Variants in PLN observed in about 807,000 individuals in gnomAD.
PLN encodes phospholamban, also known as cardiac phospholamban.
A neutral mutation model predicts 3.9 loss-of-function variants in PLN; 1 was observed. The observed-to-expected ratio is 0.26, with a 90% confidence interval of 0.09 to 1.23. The LOEUF (loss-of-function observed/expected upper bound fraction) is 1.23. Among genes scored for constraint, PLN ranks in the 50% most tolerant of loss-of-function variants. The pLI is 0.48. For synonymous variants in PLN, 21 were observed against 20.5 expected (o/e 1.02, Z -0.07); for missense variants, 59 against 62.7 (o/e 0.94, Z 0.20).
chr6:118,558,467 A>G (rs1375307272), intron 1 of PLN, among the ~76,000 whole-genome samples: 1 of 152,138 alleles, frequency 6.6e-6, no homozygotes, highest in African/African-American at 2.4e-5. Flanking sequence ...GTTTCCAGGA[A>G]CTTATGGAAG....
At position 118,558,826 on chromosome 6, in the gene PLN, C is replaced by A; in HGVS notation, c.-96C>A. On this transcript the variant is annotated splice_region_variant and 5_prime_UTR_variant, in exon 2 of 2. Coordinates refer to ENST00000357525, the MANE Select transcript of PLN (RefSeq NM_002667.5). ...CCATTTATTATTTTTACATTCCAGG[C>A]TACCTAAAAGAAGACAGTTATCTCA... is the stretch of plus-strand genomic sequence containing the variant. The A allele has an allele frequency of 1.2e-6, 1 of 821,128 alleles. No homozygotes were observed. Among genetic ancestry groups the A allele is most frequent in the Non-Finnish European group, 2.1e-6 (1 of 470,380 alleles). The allele number at this position is 821,128 out of a possible 1,614,324, so 50.9% of individuals were successfully genotyped here. A position where few individuals can be genotyped will look rare whatever the true frequency, so the allele number is the denominator to read the frequency against.
At chr6:118,550,991 A>T (rs1778508669) in intron 1 of PLN, among the ~76,000 whole-genome samples, 1 of 151,520 alleles carries the variant, frequency 6.6e-6, no homozygotes, top group Non-Finnish European at 1.5e-5. Flanking sequence ...CACAGACTTT[A>T]AAAAAAATAA....
intron 1 of PLN, among the ~76,000 whole-genome samples, chr6:118,551,718 T>C (rs1319825987): frequency 2.0e-5 from 3 of 152,150 alleles, no homozygotes; most frequent in East Asian, 1.9e-4. Context: ...TTTTTATGCA[T>C]ATACAATTAT....
In PLN at chr6:118,558,925, G is replaced by C. The variant is rs758364608; in HGVS notation, c.4G>C (p.Glu2Gln). 6.2e-7 allele frequency: 1 copy of C among 1,613,674 alleles called. No individual in the cohort carries two copies. Among genetic ancestry groups the C allele is most frequent in the Non-Finnish European group, 8.5e-7 (1 of 1,179,658 alleles). M[E>Q]KVQYLTRSAI... ...GACTTCCTGTCCTGCTGGTATCATG[G>C]AGAAAGTCCAATACCTCACTCGCTC... is the stretch of plus-strand genomic sequence containing the variant. The change falls in exon 2 of 2, where the codon GAG becomes CAG. Residue 2 changes from glutamate (E) to glutamine (Q), a missense_variant. Coordinates refer to ENST00000357525, the MANE Select transcript of PLN (RefSeq NM_002667.5).
intron 1 of PLN, among the ~76,000 whole-genome samples, chr6:118,552,638 C>A (rs540033853): frequency 2.0e-5 from 3 of 151,606 alleles, no homozygotes; most frequent in Admixed American, 6.6e-5. Context: ...AAAAAAAAAA[C>A]CAGAATACCA....
At chr6:118,550,621 C>T (rs58390287) in intron 1 of PLN, among the ~76,000 whole-genome samples, 7 of 151,802 alleles carry the variant, frequency 4.6e-5, no homozygotes, top group Admixed American at 6.6e-5. Flanking sequence ...GATCACAGAA[C>T]TAAGAAAACA....
intron 1 of PLN, among the ~76,000 whole-genome samples, chr6:118,549,268 T>C (rs1778393968): frequency 6.6e-6 from 1 of 151,842 alleles, no homozygotes; most frequent in South Asian, 2.1e-4. Flanking sequence ...CTCCATTTCC[T>C]CTCTCGGATT....
rs187694704 is a variant in PLN, at chr6:118,556,249, T to C, written c.-97-2576T>C. ...GTAGAAGTGTTATAGACAACCTAAA[T>C]AACAGCCTTTAGCCACCTGTTTAGA... is the stretch of plus-strand genomic sequence containing the variant. On this transcript the variant is annotated intron_variant, in intron 1 of 1. Coordinates refer to ENST00000357525, the MANE Select transcript of PLN (RefSeq NM_002667.5). Among the ~76,000 whole-genome samples the C allele has an allele frequency of 1.1e-4, 16 of 152,280 alleles. No homozygotes were observed. In the East Asian group the frequency reaches 2.9e-3, roughly 27 times the overall value.
intron 1 of PLN, among the ~76,000 whole-genome samples, chr6:118,557,190 T>C (rs1032541354): frequency 2.0e-5 from 3 of 152,206 alleles, no homozygotes; most frequent in Non-Finnish European, 2.9e-5. Context: ...ATATTTTTGG[T>C]AAAACACTTC....
In PLN at chr6:118,559,995, A is replaced by T. The variant is rs1779129400; in HGVS notation, c.*915A>T. ...CCTTAAGACTTCAGAATGATTTTGC[A>T]GGTTGTCTTCCATTCCAGCCTAACA... On this transcript the variant is annotated 3_prime_UTR_variant, in exon 2 of 2. Coordinates refer to ENST00000357525, the MANE Select transcript of PLN (RefSeq NM_002667.5). 6.0e-6 allele frequency: 1 copy of T among 167,116 alleles called. No individual in the cohort carries two copies. The highest frequency in any genetic ancestry group is 1.5e-5 in the Non-Finnish European group (1 of 68,112). 10.4% of individuals were successfully genotyped at this position (167,116 alleles called of 1,614,324 possible). A position where few individuals can be genotyped will look rare whatever the true frequency, so the allele number is the denominator to read the frequency against.
At chr6:118,550,534 G>A (rs570004639) in intron 1 of PLN, among the ~76,000 whole-genome samples, 2 of 151,574 alleles carry the variant, frequency 1.3e-5, no homozygotes, top group African/African-American at 4.8e-5. Context: ...TATTTCATTT[G>A]GTCCTCTTAA....
intron 1 of PLN, among the ~76,000 whole-genome samples, chr6:118,551,481 AAG>A (rs1778542219): frequency 7.0e-6 from 1 of 143,126 alleles, no homozygotes. Context: ...CTACAGGGTT[AAG>A]AAGAATATTT....
At position 118,560,658 on chromosome 6, in the gene PLN, G is replaced by A. The variant is rs9489441; in HGVS notation, c.*1578G>A. ...CAACCAAATGGTAAGCATCTATTTTGCAGTCCACTCTACTGAGCTAAATTA... is the reference window on the plus strand; with the variant it reads ...CAACCAAATGGTAAGCATCTATTTTACAGTCCACTCTACTGAGCTAAATTA... On this transcript the variant is annotated 3_prime_UTR_variant, in exon 2 of 2. Coordinates refer to ENST00000357525, the MANE Select transcript of PLN (RefSeq NM_002667.5). The A allele has an allele frequency of 6.0e-6, 1 of 166,796 alleles. No homozygotes were observed. Among genetic ancestry groups the A allele is most frequent in the South Asian group, 2.1e-4 (1 of 4,830 alleles). 10.3% of individuals were successfully genotyped at this position (166,796 alleles called of 1,614,324 possible).
At chr6:118,556,833 C>G (rs1250343140) in intron 1 of PLN, among the ~76,000 whole-genome samples, 2 of 152,052 alleles carry the variant, frequency 1.3e-5, no homozygotes, top group African/African-American at 4.8e-5. Context: ...CAAAATGTCC[C>G]CAAGTGTTAA....
At position 118,559,374 on chromosome 6, in the gene PLN, A is replaced by C. The variant is rs1779095921; in HGVS notation, c.*294A>C. On this transcript the variant is annotated 3_prime_UTR_variant, in exon 2 of 2. Coordinates refer to ENST00000357525, the MANE Select transcript of PLN (RefSeq NM_002667.5). ...AAATTTCTATCCCAAATCTTTTCTG[A>C]AGATGAAGAGTTTAGTTTTAAAACT... 1 of 392,306 alleles carries C rather than the reference A, an allele frequency of 2.5e-6. No individual in the cohort carries two copies. The highest frequency in any genetic ancestry group is 5.0e-6 in the Non-Finnish European group (1 of 200,958). 24.3% of individuals were successfully genotyped at this position (392,306 alleles called of 1,614,324 possible).
intron 1 of PLN, among the ~76,000 whole-genome samples, chr6:118,555,617 T>G (rs1222113542): frequency 6.6e-6 from 1 of 152,156 alleles, no homozygotes; most frequent in Non-Finnish European, 1.5e-5. Context: ...CAAAAGTCAT[T>G]AAATATATGT....
intron 1 of PLN, among the ~76,000 whole-genome samples, chr6:118,553,593 G>A (rs576900751): frequency 6.6e-6 from 1 of 152,114 alleles, no homozygotes; most frequent in Admixed American, 6.5e-5. Flanking sequence ...ATAACTTTAG[G>A]ATTATGGCAT....
chr6:118,556,968 G>C (rs1778915307), intron 1 of PLN, among the ~76,000 whole-genome samples: 1 of 152,142 alleles, frequency 6.6e-6, no homozygotes, highest in Non-Finnish European at 1.5e-5. Flanking sequence ...GCAATAGCTT[G>C]TGGGATCTCT....
chr6:118,551,331 CA>C (rs377690383), intron 1 of PLN, among the ~76,000 whole-genome samples: 7 of 149,624 alleles, frequency 4.7e-5, no homozygotes, highest in Non-Finnish European at 7.5e-5. Flanking sequence ...AACCCCCGCA[CA>C]AAAAAAAAGG....
Sources: allele counts gnomAD v4.1 joint callset (sites outside exome capture counted in the v4.1 genomes callset), GRCh38; gene constraint gnomAD v4.1.1; transcripts MANE v1.5; gene names NCBI Gene and HGNC (gene_info 2026-07-23, HGNC 2026-07-21).